Variants in ATP5F1B observed in about 807,000 individuals in gnomAD.
ATP5F1B encodes ATP synthase F1 subunit beta, also known as ATP synthase F(1) complex subunit beta, mitochondrial.
ATP5F1B carries 17 observed loss-of-function variants against 45.9 expected under a neutral mutation model. The ratio of observed to expected loss-of-function variants is 0.37; its 90% CI spans 0.25 to 0.56. The LOEUF (loss-of-function observed/expected upper bound fraction) is 0.56. Ranked by LOEUF, ATP5F1B falls within the 20% of genes least tolerant of loss-of-function variation. The pLI is 0.80. For synonymous variants in ATP5F1B, 218 were observed against 256.5 expected (o/e 0.85, Z 1.43); for missense variants, 387 against 673.2 (o/e 0.57, Z 4.70).
chr12:56,641,764 G>A (rs1174562454), intron 7 of ATP5F1B, among the ~76,000 whole-genome samples: 1 of 151,882 alleles, frequency 6.6e-6, no homozygotes, highest in African/African-American at 2.4e-5. Flanking sequence ...GTTAAGTCAG[G>A]ATGGTCTTGA....
rs371408519 is a variant in ATP5F1B at position 56,645,937 on chromosome 12, G to A, written c.27C>T (p.Ala9=). MLGFVGRV[A]AAPASGALRR... is the part of the protein sequence containing the mutation. ...GCAAGGCCCCGGAGGCCGGAGCAGC[G>A]GCCACCCGACCCACAAACCCCAACA... The change falls in exon 1 of 10, where the codon GCC becomes GCT. Residue 9 remains alanine, a synonymous_variant. Transcript: ENST00000262030. The A allele has an allele frequency of 5.6e-6, 9 of 1,605,730 alleles. No individual in the cohort carries two copies. The African/African-American group carries it at 9.4e-5, about 17-fold the overall frequency.
rs754432588 is a variant in ATP5F1B at position 56,638,439 on chromosome 12, GA to G, written c.1490-17del. ...TCATATTCACCTGTATGATGGGGGAGAAAAAAAAAAAGAGTAAGAAGCGGAG... is the reference window on the plus strand; with the variant it reads ...TCATATTCACCTGTATGATGGGGGAGAAAAAAAAAAGAGTAAGAAGCGGAG... On this transcript the variant is annotated splice_polypyrimidine_tract_variant and intron_variant, in intron 9 of 9. Transcript: ENST00000262030. 38,594 of 1,047,506 alleles carry G rather than the reference GA, an allele frequency of 0.037. 39 individuals carry two copies. The highest frequency in any genetic ancestry group is 0.095 in the East Asian group (2,648 of 27,862). 64.9% of individuals were successfully genotyped at this position (1,047,506 alleles called of 1,614,324 possible). A position where few individuals can be genotyped will look rare whatever the true frequency, so the allele number is the denominator to read the frequency against.
At chr12:56,643,274 C>A (rs1007969986) in intron 5 of ATP5F1B, 129 bp downstream of exon 5, 18 of 882,872 alleles carry the variant, frequency 2.0e-5, no homozygotes, top group Non-Finnish European at 2.7e-5. Flanking sequence ...CCCTGGGACA[C>A]GAAAATGAAA....
chr12:56,638,357 T>C lies in ATP5F1B; in HGVS notation c.1556A>G (p.Lys519Arg), dbSNP rs139598306. Residue 519 changes from lysine to arginine, a missense_variant, in exon 10 of 10, where the codon AAA becomes AGA. Lys to Arg is a conservative substitution (Grantham distance 26, BLOSUM62 2). Around this residue, in one of 6 missense-constraint regions of ATP5F1B, gnomAD observed 36 missense variants for 37.9 expected, o/e 0.95. Coordinates refer to ENST00000262030, the MANE Select transcript of ATP5F1B (RefSeq NM_001686.4). Reference sequence around the variant, plus strand: ...ATGCTCTTCAGCCAGCTTATCAGCTTTTGCCACAGCTTCTTCAATGGGTCC... The same window carrying C: ...ATGCTCTTCAGCCAGCTTATCAGCTCTTGCCACAGCTTCTTCAATGGGTCC... ...MVGPIEEAVAKADKLAEEHSS is the reference protein window; with the variant it reads ...MVGPIEEAVARADKLAEEHSS 2.6e-5 allele frequency: 42 copies of C among 1,613,908 alleles called. No homozygotes were observed. Among genetic ancestry groups the C allele is most frequent in the Admixed American group, 5.0e-5 (3 of 59,980 alleles).
chr12:56,644,997 T>C (rs761280352), intron 2 of ATP5F1B, 42 bp from the exon 3 acceptor site: 67 of 1,613,922 alleles, frequency 4.2e-5, no homozygotes, highest in Non-Finnish European at 5.4e-5. Flanking sequence ...TAAGGATAAA[T>C]TGGTATCAAG....
chr12:56,640,769 A>C (rs1362619024), intron 7 of ATP5F1B, among the ~76,000 whole-genome samples: 1 of 151,164 alleles, frequency 6.6e-6, no homozygotes, highest in Non-Finnish European at 1.5e-5. Flanking sequence ...GCTGGGGGCC[A>C]GGCACGGTGG....
At chr12:56,645,487 C>T (rs1951542606) in intron 1 of ATP5F1B, 134 bp from the exon 2 acceptor site, 9 of 1,089,110 alleles carry the variant, frequency 8.3e-6, no homozygotes, top group African/African-American at 7.9e-5. Flanking sequence ...AACGCGTGTC[C>T]AAGAGGGAAG....
intron 8 of ATP5F1B, 74 bp downstream of exon 8, chr12:56,639,906 C>G: frequency 1.4e-6 from 2 of 1,479,500 alleles, no homozygotes; most frequent in Non-Finnish European, 1.9e-6. Context: ...TAAGAAAGAT[C>G]CAGTCCTCAT....
Position 56,643,441 on chromosome 12 carries a change from C to G in ATP5F1B, c.754G>C (p.Glu252Gln). The G allele has an allele frequency of 6.2e-7, 1 of 1,614,132 alleles. No homozygotes were observed. Among genetic ancestry groups the G allele is most frequent in the Non-Finnish European group, 8.5e-7 (1 of 1,180,022 alleles). The change falls in exon 5 of 10, where the codon GAA (glutamate) becomes CAA (glutamine). Residue 252 changes from glutamate to glutamine, a missense_variant. This residue lies in a region of ATP5F1B where 154 missense variants were observed against 361.4 expected (regional missense o/e 0.43). Transcript: ENST00000262030. ...EGNDLYHEMI[E>Q]SGVINLKDAT... Reference sequence around the variant, plus strand: ...TCTTTTAAGTTGATAACACCAGATTCAATCATTTCATGGTATAAATCATTG... The same window carrying G: ...TCTTTTAAGTTGATAACACCAGATTGAATCATTTCATGGTATAAATCATTG...
intron 9 of ATP5F1B, among the ~76,000 whole-genome samples, 173 bp from the exon 10 acceptor site, chr12:56,638,596 A>T (rs1348926086): frequency 6.6e-6 from 1 of 152,228 alleles, no homozygotes; most frequent in African/African-American, 2.4e-5. Context: ...ATGATACAGT[A>T]TGAATTAAGA....
At chr12:56,645,551 G>A (rs1292342421) in intron 1 of ATP5F1B, among the ~76,000 whole-genome samples, 198 bp from the exon 2 acceptor site, 1 of 152,114 alleles carries the variant, frequency 6.6e-6, no homozygotes, top group Non-Finnish European at 1.5e-5. Flanking sequence ...GCATGCACAA[G>A]ACCCCATTTT....
In ATP5F1B at chr12:56,638,416, A is replaced by G. The variant is rs771738365; in HGVS notation, c.1497T>C (p.Tyr499=). The G allele has an allele frequency of 6.2e-7, 1 of 1,611,604 alleles. No individual in the cohort carries two copies. The highest frequency in any genetic ancestry group is 1.1e-5 in the South Asian group (1 of 90,846). Residue 499 remains tyrosine (Y), a synonymous_variant, in exon 10 of 10, where the codon TAT becomes TAC. Coordinates refer to ENST00000262030, the MANE Select transcript of ATP5F1B (RefSeq NM_001686.4). The part of the protein sequence containing the change: ...KGFQQILAGE[Y]DHLPEQAFYM... Reference sequence around the variant, plus strand: ...AGAAGGCCTGTTCTGGGAGATGGTCATATTCACCTGTATGATGGGGGAGAA... The same window carrying G: ...AGAAGGCCTGTTCTGGGAGATGGTCGTATTCACCTGTATGATGGGGGAGAA...
At chr12:56,645,385 G>A (rs750079468) in intron 1 of ATP5F1B, 32 bp from the exon 2 acceptor site, 15 of 1,597,028 alleles carry the variant, frequency 9.4e-6, no homozygotes. Flanking sequence ...AAGGAGCTGG[G>A]GTCAGGCCAG....
intron 7 of ATP5F1B, among the ~76,000 whole-genome samples, chr12:56,641,839 C>T (rs1282963560): frequency 6.6e-6 from 1 of 151,988 alleles, no homozygotes; most frequent in Non-Finnish European, 1.5e-5. Flanking sequence ...GCGTGAGCCA[C>T]CGTGCCCGGC....
intron 7 of ATP5F1B, among the ~76,000 whole-genome samples, chr12:56,641,856 G>A (rs1374727609): frequency 6.6e-6 from 1 of 151,802 alleles, no homozygotes; most frequent in African/African-American, 2.4e-5. Context: ...CGGCCCCAAA[G>A]TGCTGGAATT....
intron 3 of ATP5F1B, 22 bp from the exon 4 acceptor site, chr12:56,643,980 T>C (rs537232173): frequency 3.1e-6 from 5 of 1,611,968 alleles, no homozygotes; most frequent in East Asian, 4.5e-5. Flanking sequence ...GAAGAGAGGA[T>C]AGTATCTATT....
intron 7 of ATP5F1B, among the ~76,000 whole-genome samples, chr12:56,640,659 T>C (rs767736831): frequency 3.3e-4 from 50 of 152,212 alleles, no homozygotes; most frequent in Non-Finnish European, 6.2e-4. Flanking sequence ...GATTATCTGG[T>C]CTCTCAGCCA....
chr12:56,644,004 G>GC (rs1297834572), intron 3 of ATP5F1B, 46 bp from the exon 4 acceptor site: 4 of 1,598,620 alleles, frequency 2.5e-6, no homozygotes, highest in Non-Finnish European at 3.4e-6. Flanking sequence ...CTTGTTGAAA[G>GC]CAAATGATAA....
chr12:56,643,646 T>G, intron 4 of ATP5F1B, 59 bp from the exon 5 acceptor site: 2 of 1,605,736 alleles, frequency 1.2e-6, no homozygotes, highest in Non-Finnish European at 1.7e-6. Context: ...ATAAGCAAAC[T>G]TCAAAAAAAG....
Sources: gnomAD v4.1 joint callset for allele counts (sites outside exome capture counted in the v4.1 genomes callset) on GRCh38, gnomAD v4.1.1 for gene constraint, gnomAD v4.1.1 regional missense constraint, MANE v1.5 for transcripts, NCBI Gene and HGNC (gene_info 2026-07-23, HGNC 2026-07-21) for gene names.